CD99: variants seen among roughly 807,000 people sequenced by gnomAD.
CD99 encodes the protein CD99 antigen.
In CD99, 19 loss-of-function variants were observed where a neutral mutation model predicts 28.4. That is an observed-to-expected ratio of 0.67 (90% CI 0.47 to 0.98). The LOEUF is 0.98. CD99 is among the 50% of genes least tolerant of loss of function. CD99 has a pLI of 0.00. For synonymous variants in CD99, 103 were observed against 92.1 expected (o/e 1.12, Z -0.67); for missense variants, 283 against 248.8 (o/e 1.14, Z -0.92).
intron 6 of CD99, 118 bp from the exon 7 acceptor site, chrX:2,723,196 G>A: frequency 9.9e-7 from 1 of 1,007,024 alleles, no homozygotes; most frequent in South Asian, 1.3e-5. Flanking sequence ...TCTGTAGCTG[G>A]GTAACATGTA....
chrX:2,716,422 G>C (rs1386577018), intron 2 of CD99, among the ~76,000 whole-genome samples: 3 of 152,020 alleles, frequency 2.0e-5, no homozygotes, highest in African/African-American at 7.3e-5. Context: ...CTGCAGCCTT[G>C]ACCGTCTGGG....
chrX:2,696,823 G>A (rs2047599510), intron 1 of CD99, among the ~76,000 whole-genome samples: 1 of 152,202 alleles, frequency 6.6e-6, no homozygotes, highest in East Asian at 1.9e-4. Flanking sequence ...TTCTTTCTTG[G>A]CTTGGTTCCT....
At chrX:2,720,495 G>T in intron 5 of CD99, 71 bp downstream of exon 5, 1 of 1,446,030 alleles carries the variant, frequency 6.9e-7, no homozygotes, top group Non-Finnish European at 9.7e-7. Context: ...TCAGCTGAGA[G>T]GAGGTGATTT....
intron 7 of CD99, among the ~76,000 whole-genome samples, chrX:2,725,498 T>C (rs1248167077): frequency 6.6e-6 from 1 of 152,360 alleles, no homozygotes; most frequent in Admixed American, 6.5e-5. Context: ...AGGAGCATTC[T>C]AACGATACAA....
intron 8 of CD99, chrX:2,733,230 C>T: frequency 3.0e-6 from 3 of 996,688 alleles, no homozygotes; most frequent in South Asian, 1.4e-5. Context: ...CCATTACTTC[C>T]TTGCTCAGAG....
chrX:2,697,245 CT>C (rs1431379236), intron 1 of CD99, among the ~76,000 whole-genome samples: 5 of 152,154 alleles, frequency 3.3e-5, no homozygotes, highest in Non-Finnish European at 5.9e-5. Flanking sequence ...CTTTAATTCA[CT>C]TTGCTTTCTC....
intron 1 of CD99, chrX:2,692,217 A>G (rs1171745424): frequency 2.3e-6 from 1 of 441,164 alleles, no homozygotes; most frequent in Non-Finnish European, 4.1e-6. Context: ...ACCCTGCCGG[A>G]TGTGGTATGT....
At chrX:2,695,718 G>C (rs1439992515) in intron 1 of CD99, among the ~76,000 whole-genome samples, 1 of 149,746 alleles carries the variant, frequency 6.7e-6, no homozygotes, top group Non-Finnish European at 1.5e-5. Flanking sequence ...ACTGCGACCT[G>C]TGTCTCCCGG....
intron 1 of CD99, among the ~76,000 whole-genome samples, chrX:2,708,227 C>T (rs1045640820): frequency 6.6e-6 from 1 of 152,140 alleles, no homozygotes; most frequent in African/African-American, 2.4e-5. Flanking sequence ...AGATTAGCCT[C>T]AGAGGTGTCT....
chrX:2,716,866 G>C (rs985437870), intron 2 of CD99, among the ~76,000 whole-genome samples: 3 of 152,202 alleles, frequency 2.0e-5, no homozygotes, highest in African/African-American at 7.2e-5. Flanking sequence ...GGCAGCCTAG[G>C]CAGAGGCCTG....
At chrX:2,723,520 T>G (rs777941010) in intron 7 of CD99, 156 bp downstream of exon 7, 1 of 808,604 alleles carries the variant, frequency 1.2e-6, no homozygotes, top group East Asian at 2.5e-5. Flanking sequence ...CCAAGTGATG[T>G]AGCTGCAGAG....
intron 7 of CD99, 116 bp downstream of exon 7, chrX:2,723,480 G>T (rs2049106804): frequency 3.4e-6 from 4 of 1,177,804 alleles, no homozygotes; most frequent in Non-Finnish European, 5.1e-6. Flanking sequence ...GCTACTGGCA[G>T]GAGGCACGGG....
intron 1 of CD99, among the ~76,000 whole-genome samples, chrX:2,695,471 G>T (rs1192016356): frequency 6.6e-6 from 1 of 151,952 alleles, no homozygotes; most frequent in African/African-American, 2.4e-5. Flanking sequence ...GAGTGCAGGG[G>T]TGCAATCAGG....
rs1057343385 is a variant in CD99, at chrX:2,741,149, A to G, written c.*345A>G. 3.4e-5 allele frequency: 12 copies of G among 347,974 alleles called. No homozygotes were observed. The highest frequency in any genetic ancestry group is 2.5e-4 in the African/African-American group (12 of 48,314). The allele number at this position is 347,974 out of a possible 1,614,324, so 21.6% of individuals were successfully genotyped here. A position where few individuals can be genotyped will look rare whatever the true frequency, so the allele number is the denominator to read the frequency against. On this transcript the variant is annotated 3_prime_UTR_variant, in exon 10 of 10. Transcript: ENST00000381192. ...CCGTCCCCCAGAATCTTGGCTGTTT[A>G]CAAATCACGTGTCCATCGAGCACGT...
intron 2 of CD99, among the ~76,000 whole-genome samples, chrX:2,716,042 G>T (rs2048693201): frequency 6.9e-6 from 1 of 145,702 alleles, no homozygotes; most frequent in Non-Finnish European, 1.5e-5. Flanking sequence ...TTTCCGAGAT[G>T]GAGTCTCTCT....
intron 6 of CD99, 38 bp downstream of exon 6, chrX:2,722,712 A>G (rs1477167224): frequency 6.3e-7 from 1 of 1,594,066 alleles, no homozygotes; most frequent in Admixed American, 1.7e-5. Context: ...TTCTCTCTCC[A>G]TCCCATGATG....
intron 1 of CD99, among the ~76,000 whole-genome samples, chrX:2,710,512 G>T (rs2048345469): frequency 2.3e-5 from 3 of 133,178 alleles, no homozygotes; most frequent in Admixed American, 2.1e-4. Flanking sequence ...TTCACGTGTG[G>T]GGTTTTTTTT....
chrX:2,697,918 C>T (rs971009696), intron 1 of CD99, among the ~76,000 whole-genome samples: 17 of 151,904 alleles, frequency 1.1e-4, no homozygotes, highest in South Asian at 4.2e-4. Context: ...GGATTTGGAT[C>T]TGGGCAAGCA....
chrX:2,706,575 A>G (rs2048127443), intron 1 of CD99, among the ~76,000 whole-genome samples: 1 of 151,938 alleles, frequency 6.6e-6, no homozygotes, highest in Non-Finnish European at 1.5e-5. Flanking sequence ...AGGTGTGAAC[A>G]CCCTGGGGTG....
Sources: gnomAD v4.1 joint callset for allele counts (sites outside exome capture counted in the v4.1 genomes callset) on GRCh38, gnomAD v4.1.1 for gene constraint, MANE v1.5 for transcripts, NCBI Gene and HGNC (gene_info 2026-07-23, HGNC 2026-07-21) for gene names.